The following C20orf203 variants were observed in gnomAD, a reference collection of about 807,000 sequenced individuals.
The protein encoded by C20orf203 is uncharacterized protein C20orf203.
Under a neutral mutation model 15.9 loss-of-function variants are expected in C20orf203, and 16 were observed. The observed-to-expected ratio is 1.01, with a 90% confidence interval of 0.68 to 1.53. The LOEUF (loss-of-function observed/expected upper bound fraction) is 1.53. Ranked by LOEUF, C20orf203 falls within the 40% of genes most tolerant of loss-of-function variation. C20orf203 has a pLI of 0.00. For missense variants in C20orf203, 263 were observed against 247.5 expected (o/e 1.06, Z -0.42); for synonymous variants, 98 against 97.2 (o/e 1.01, Z -0.05).
chr20:32,658,695 G>C (rs1568753076), intron 1 of C20orf203, among the ~76,000 whole-genome samples: 1 of 152,116 alleles, frequency 6.6e-6, no homozygotes, highest in Admixed American at 6.5e-5. Context: ...GCTTTTTGCT[G>C]TGTTGCAGGC....
rs1982075950 is a variant in C20orf203, at chr20:32,634,158, C to T, written c.*1412G>A. 2 of 398,408 alleles carry T rather than the reference C, an allele frequency of 5.0e-6. No individual in the cohort carries two copies. Among genetic ancestry groups the T allele is most frequent in the South Asian group, 2.5e-4 (2 of 7,850 alleles). 24.7% of individuals were successfully genotyped at this position (398,408 alleles called of 1,614,324 possible). ...TACCCAGAGACCCAGAGAGATGCAG[C>T]TCTGATGGAGATGGCGCAGGCACGG... On this transcript the variant is annotated 3_prime_UTR_variant, in exon 6 of 6. Transcript: ENST00000608990.
chr20:32,673,548 G>C (rs1983225302), intron 1 of C20orf203, 84 bp downstream of exon 1: 1 of 152,444 alleles, frequency 6.6e-6, no homozygotes, highest in African/African-American at 2.4e-5. Context: ...TGGTCTTTCT[G>C]CTGGCTTTTT....
At chr20:32,646,743 G>A (rs962152411) in intron 4 of C20orf203, among the ~76,000 whole-genome samples, 4 of 152,182 alleles carry the variant, frequency 2.6e-5, no homozygotes, top group African/African-American at 7.2e-5. Context: ...TTGCAGTCAC[G>A]CATTATTACT....
At chr20:32,663,238 G>A (rs948913977) in intron 1 of C20orf203, among the ~76,000 whole-genome samples, 5 of 151,274 alleles carry the variant, frequency 3.3e-5, no homozygotes, top group African/African-American at 9.7e-5. Flanking sequence ...GCGAGCCCCC[G>A]CACCCAGCTA....
Position 32,650,301 on chromosome 20 carries a change from C to T in C20orf203, c.*131G>A, listed in dbSNP as rs541360415. 25 of 670,176 alleles carry T rather than the reference C, an allele frequency of 3.7e-5. No homozygotes were observed. The highest frequency in any genetic ancestry group is 1.5e-4 in the African/African-American group (8 of 55,010). The allele number at this position is 670,176 out of a possible 1,614,324, so 41.5% of individuals were successfully genotyped here. ...GAATCTCCTTGAGGTTTCAGCTGGG[C>T]GTGCCGGGCCCATCCCCCACTCTGG... On this transcript the variant is annotated 3_prime_UTR_variant, in exon 4 of 6. Coordinates refer to ENST00000608990, the MANE Select transcript of C20orf203 (RefSeq NM_182584.4).
At chr20:32,648,607 A>ATGTTTTTTTT (rs58582539) in intron 4 of C20orf203, among the ~76,000 whole-genome samples, 2 of 125,900 alleles carry the variant, frequency 1.6e-5, no homozygotes, top group African/African-American at 2.9e-5. Context: ...AATCTGGCTA[A>ATGTTTTTTTT]TTTTTTTTTT....
rs1396745977 is a variant in C20orf203 at position 32,662,571 on chromosome 20, C to A, written c.-263-10590G>T. On this transcript the variant is annotated intron_variant, in intron 1 of 5. Coordinates refer to ENST00000608990, the MANE Select transcript of C20orf203 (RefSeq NM_182584.4). ...CAAGATCACGCCACTGCACTCCAGC[C>A]TGAGCAACAAAGTGAGACTCTGTCT... 3.9e-5 allele frequency among the ~76,000 whole-genome samples: 6 copies of A among 151,948 alleles called. No homozygotes were observed. The East Asian group carries it at 7.7e-4, about 20-fold the overall frequency.
intron 4 of C20orf203, among the ~76,000 whole-genome samples, chr20:32,641,208 G>A (rs1982271571): frequency 6.6e-6 from 1 of 151,724 alleles, no homozygotes; most frequent in Non-Finnish European, 1.5e-5. Flanking sequence ...GTGTGGAGTA[G>A]CCTTTAGTCC....
intron 1 of C20orf203, among the ~76,000 whole-genome samples, chr20:32,666,868 C>T (rs1283988693): frequency 7.5e-6 from 1 of 133,708 alleles, no homozygotes; most frequent in African/African-American, 2.7e-5. Flanking sequence ...CTTTGTTGCC[C>T]GAACTCCTGG....
In C20orf203 at chr20:32,634,171, G is replaced by A. The variant is rs1052511222; in HGVS notation, c.*1399C>T. The A allele has an allele frequency of 1.0e-5, 4 of 398,542 alleles. No homozygotes were observed. Among genetic ancestry groups the A allele is most frequent in the Non-Finnish European group, 1.8e-5 (4 of 226,130 alleles). The allele number at this position is 398,542 out of a possible 1,614,324, so 24.7% of individuals were successfully genotyped here. On this transcript the variant is annotated 3_prime_UTR_variant, in exon 6 of 6. Transcript: ENST00000608990. ...AGAGAGATGCAGCTCTGATGGAGAT[G>A]GCGCAGGCACGGGCTGCTGGGGCTT... is the stretch of plus-strand genomic sequence containing the variant.
chr20:32,650,396 C>G lies in C20orf203; in HGVS notation c.*36G>C. 6.8e-7 allele frequency: 1 copy of G among 1,461,844 alleles called. No homozygotes were observed. The highest frequency in any genetic ancestry group is 9.3e-7 in the Non-Finnish European group (1 of 1,073,570). The allele number at this position is 1,461,844 out of a possible 1,614,324, so 90.6% of individuals were successfully genotyped here. On this transcript the variant is annotated 3_prime_UTR_variant, in exon 4 of 6. Coordinates refer to ENST00000608990, the MANE Select transcript of C20orf203 (RefSeq NM_182584.4). Reference sequence around the variant, plus strand: ...GTGGTGGTGGCCTTGGTAGGACAGGCAGGCAGAGCTGGGGGTGGGGGCGCC... The same window carrying G: ...GTGGTGGTGGCCTTGGTAGGACAGGGAGGCAGAGCTGGGGGTGGGGGCGCC...
At chr20:32,645,924 A>G (rs1291637799) in intron 4 of C20orf203, among the ~76,000 whole-genome samples, 1 of 152,160 alleles carries the variant, frequency 6.6e-6, no homozygotes, top group Non-Finnish European at 1.5e-5. Flanking sequence ...TGAGATCTGG[A>G]GCCTGGGCTC....
At chr20:32,647,720 G>A (rs1327646466) in intron 4 of C20orf203, among the ~76,000 whole-genome samples, 1 of 152,074 alleles carries the variant, frequency 6.6e-6, no homozygotes, top group Non-Finnish European at 1.5e-5. Flanking sequence ...AAGTAAAATG[G>A]AGAACTAATG....
At chr20:32,663,085 A>G (rs193073060) in intron 1 of C20orf203, among the ~76,000 whole-genome samples, 1 of 151,076 alleles carries the variant, frequency 6.6e-6, no homozygotes, top group Admixed American at 6.6e-5. Flanking sequence ...AGTAGATGGG[A>G]TTATAGGCGC....
At chr20:32,658,155 G>A (rs534417439) in intron 1 of C20orf203, among the ~76,000 whole-genome samples, 4 of 152,134 alleles carry the variant, frequency 2.6e-5, no homozygotes, top group East Asian at 3.9e-4. Context: ...TGGCCAACAC[G>A]GTGAAACCCC....
At chr20:32,640,377 G>A (rs950203685) in intron 5 of C20orf203, among the ~76,000 whole-genome samples, 189 bp downstream of exon 5, 2 of 152,044 alleles carry the variant, frequency 1.3e-5, no homozygotes, top group African/African-American at 4.8e-5. Flanking sequence ...GAATTGTGAA[G>A]CCATCACCAT....
intron 1 of C20orf203, among the ~76,000 whole-genome samples, chr20:32,659,841 T>C (rs1982848689): frequency 6.6e-6 from 1 of 152,262 alleles, no homozygotes; most frequent in Non-Finnish European, 1.5e-5. Context: ...CCTCCGTGGC[T>C]GGCACTAGTA....
At chr20:32,666,823 A>ATATATATATATATATATATATATATG (rs1568756061) in intron 1 of C20orf203, among the ~76,000 whole-genome samples, 6 of 106,794 alleles carry the variant, frequency 5.6e-5, no homozygotes, top group Admixed American at 8.9e-5. Flanking sequence ...ATATATATAT[A>ATATATATATATATATATATATATATG]TAGTTTTGTT....
chr20:32,663,883 C>T (rs931550799), intron 1 of C20orf203, among the ~76,000 whole-genome samples: 9 of 152,224 alleles, frequency 5.9e-5, no homozygotes, highest in African/African-American at 2.2e-4. Flanking sequence ...TGCCCGGGGC[C>T]CTCTGGAGGG....
Sources: gnomAD v4.1 joint callset for allele counts (sites outside exome capture counted in the v4.1 genomes callset) on GRCh38, gnomAD v4.1.1 for gene constraint, MANE v1.5 for transcripts, NCBI Gene and HGNC (gene_info 2026-07-23, HGNC 2026-07-21) for gene names.